The following TRANK1 variants were observed in gnomAD, a reference collection of about 807,000 sequenced individuals.
TRANK1 encodes the protein tetratricopeptide repeat and ankyrin repeat containing 1.
In TRANK1, 198 loss-of-function variants were observed where a neutral mutation model predicts 266.0. The observed-to-expected ratio is 0.74, with a 90% CI of 0.66 to 0.84. The LOEUF is 0.84. Among genes scored for constraint, TRANK1 ranks in the 40% least tolerant of loss-of-function variants. The probability of loss-of-function intolerance (pLI) is 0.00; values close to 1 mark genes in which losing one functional copy is unlikely to be tolerated. For missense variants in TRANK1, 3,326 were observed against 3,634.6 expected, an observed-to-expected ratio of 0.92 and a Z score of 2.18; for synonymous variants, 1,396 against 1,384.1, an observed-to-expected ratio of 1.01 and a Z score of -0.19.
At chr3:36,843,526 T>C (rs1263581568) in intron 17 of TRANK1, among the ~76,000 whole-genome samples, 1 of 152,158 alleles carries the variant, frequency 6.6e-6, no homozygotes, top group African/African-American at 2.4e-5. Context: ...CTGCTGTCCA[T>C]CCCTTCTGTT....
rs1257010317 is a variant in TRANK1, at chr3:36,879,871, C to CAAGTATATGTAAAT, written c.908-5576_908-5575insATTTACATATACTT. ...ATGTAAATATACAAATATATGTAAA[C>CAAGTATATGTAAAT]ATACAAATATATGTAAACATGCAAA... On this transcript the variant is annotated intron_variant, in intron 8 of 23. Coordinates refer to ENST00000645898, the MANE Select transcript of TRANK1 (RefSeq NM_001329998.2). Among the ~76,000 whole-genome samples, 9 of 17,272 alleles carry CAAGTATATGTAAAT rather than the reference C, an allele frequency of 5.2e-4. 1 individual carries two copies. Among genetic ancestry groups the CAAGTATATGTAAAT allele is most frequent in the East Asian group, 5.2e-3 (3 of 582 alleles). The allele number at this position is 17,272 out of a possible 152,430, so 11.3% of individuals were successfully genotyped here.
intron 13 of TRANK1, among the ~76,000 whole-genome samples, chr3:36,854,660 A>G (rs2079027490): frequency 6.6e-6 from 1 of 152,214 alleles, no homozygotes; most frequent in South Asian, 2.1e-4. Context: ...ATTAAGCACT[A>G]TACGTAAACT....
intron 2 of TRANK1, among the ~76,000 whole-genome samples, chr3:36,905,389 C>T (rs926493643): frequency 6.6e-6 from 1 of 151,986 alleles, no homozygotes; most frequent in African/African-American, 2.4e-5. Context: ...TAGCTGAGGT[C>T]ATGAGGGTGG....
In TRANK1 at chr3:36,833,754, C is replaced by T; in HGVS notation, c.5829G>A (p.Leu1943=). The T allele has an allele frequency of 6.2e-7, 1 of 1,614,022 alleles. No individual in the cohort carries two copies. Among genetic ancestry groups the T allele is most frequent in the Non-Finnish European group, 8.5e-7 (1 of 1,179,892 alleles). The change falls in exon 22 of 24, where the codon TTG becomes TTA. Residue 1943 remains leucine, a synonymous_variant. Transcript: ENST00000645898. The part of the protein sequence containing the change: ...KLDIEDQLVF[L]KSRKRLAEAA... ...CTTCTGCTAAGCGTTTCCGAGACTT[C>T]AAGAACACCAGCTGGTCTTCTATGT...
chr3:36,907,386 G>A (rs1259860674), intron 2 of TRANK1, among the ~76,000 whole-genome samples: 1 of 151,954 alleles, frequency 6.6e-6, no homozygotes, highest in Non-Finnish European at 1.5e-5. Context: ...CTGAAGTCAG[G>A]TGATCTGACC....
rs199557080 is a variant in TRANK1 at position 36,831,346 on chromosome 3, C to T, written c.8237G>A (p.Arg2746His). 107 of 1,613,432 alleles carry T rather than the reference C, an allele frequency of 6.6e-5. No homozygotes were observed. The highest frequency in any genetic ancestry group is 1.6e-4 in the Middle Eastern group (1 of 6,084). The change falls in exon 22 of 24, where the codon CGT becomes CAT. Residue 2746 changes from arginine (R) to histidine (H), a missense_variant. Arg to His is a conservative substitution (Grantham distance 29). Coordinates refer to ENST00000645898, the MANE Select transcript of TRANK1 (RefSeq NM_001329998.2). This position sits in a 1 kb window ranked among gnomAD's most constrained non-coding sequence, Gnocchi z 5.0. ...WRRRVGTQME[R>H]VREEAREPRA... ...GGGCTCCCTGGCCTCCTCCCTGACA[C>T]GCTCCATCTGGGTGCCCACTCTTCT...
chr3:36,867,297 A>G (rs182401590), intron 9 of TRANK1, among the ~76,000 whole-genome samples: 5 of 152,376 alleles, frequency 3.3e-5, no homozygotes, highest in African/African-American at 7.2e-5. Context: ...TTGCAAAAAC[A>G]TCATTCTTCC....
chr3:36,940,603 A>G (rs1169128343), intron 1 of TRANK1, among the ~76,000 whole-genome samples: 1 of 152,054 alleles, frequency 6.6e-6, no homozygotes, highest in Non-Finnish European at 1.5e-5. Context: ...GTTTAGGTAC[A>G]GCTCAAAACT....
At chr3:36,873,445 G>A (rs2079338758) in intron 9 of TRANK1, among the ~76,000 whole-genome samples, 1 of 152,174 alleles carries the variant, frequency 6.6e-6, no homozygotes, top group African/African-American at 2.4e-5. Flanking sequence ...CATTTAAAGA[G>A]CAAAGTTTTC....
intron 13 of TRANK1, among the ~76,000 whole-genome samples, chr3:36,854,353 C>G (rs896154451): frequency 2.1e-5 from 3 of 144,420 alleles, no homozygotes; most frequent in Non-Finnish European, 3.0e-5. Context: ...GAGCAAGACT[C>G]TATCTGAAAA....
chr3:36,834,650 C>G, intron 21 of TRANK1, 112 bp downstream of exon 21: 1 of 1,251,760 alleles, frequency 8.0e-7, no homozygotes, highest in East Asian at 2.4e-5. Flanking sequence ...GGAAAGGGAG[C>G]AATGTGGTCA....
At chr3:36,903,606 C>G (rs569404398) in intron 2 of TRANK1, among the ~76,000 whole-genome samples, 1 of 152,242 alleles carries the variant, frequency 6.6e-6, no homozygotes, top group African/African-American at 2.4e-5. Flanking sequence ...AGGTAAGAGG[C>G]CTGTGCAGGC....
At chr3:36,913,792 A>G (rs752963438) in intron 1 of TRANK1, among the ~76,000 whole-genome samples, 2 of 152,134 alleles carry the variant, frequency 1.3e-5, no homozygotes, top group African/African-American at 2.4e-5. Flanking sequence ...AAATAGGACA[A>G]GACCGGAACA....
At chr3:36,945,355 G>A (rs1178640752), upstream of TRANK1, among the ~76,000 whole-genome samples, 1 of 152,154 alleles carries the variant, frequency 6.6e-6, no homozygotes, top group Non-Finnish European at 1.5e-5. Context: ...CTCAGCGTGG[G>A]TTTTCTCCTT....
In TRANK1 at chr3:36,857,210, A is replaced by G; in HGVS notation, c.2512T>C (p.Cys838Arg). 2 of 1,613,872 alleles carry G rather than the reference A, an allele frequency of 1.2e-6. No homozygotes were observed. Among genetic ancestry groups the G allele is most frequent in the Non-Finnish European group, 1.7e-6 (2 of 1,179,854 alleles). ...AGCTTCTTCAGCATTTCTGAAGTGC[A>G]CTCGATCTCCCAGGTCATGTTATCG... ...DFDNMTWEIE[C>R]TSEMLKKLSS... Residue 838 changes from cysteine to arginine, a missense_variant, in exon 13 of 24, where the codon TGC becomes CGC. Coordinates refer to ENST00000645898, the MANE Select transcript of TRANK1 (RefSeq NM_001329998.2). The surrounding 1 kb of genome is among the most constrained non-coding windows in gnomAD (Gnocchi z 4.3).
intron 1 of TRANK1, among the ~76,000 whole-genome samples, chr3:36,927,753 A>G (rs1237551706): frequency 5.9e-5 from 9 of 152,220 alleles, no homozygotes; most frequent in Non-Finnish European, 1.2e-4. Flanking sequence ...ATAATAAGCC[A>G]GATGCAACAT....
Position 36,892,487 on chromosome 3 carries a change from G to A in TRANK1, c.637-147C>T. The A allele has an allele frequency of 4.7e-6, 5 of 1,062,556 alleles. No homozygotes were observed. In the South Asian group the frequency reaches 5.1e-5, roughly 11 times the overall value. The allele number at this position is 1,062,556 out of a possible 1,614,324, so 65.8% of individuals were successfully genotyped here. A position where few individuals can be genotyped will look rare whatever the true frequency, so the allele number is the denominator to read the frequency against. ...GATTATTATAAATAACAAATTTGTGGTAAGGCAGCTGAAGGAGAAAGTACA... is the reference window on the plus strand; with the variant it reads ...GATTATTATAAATAACAAATTTGTGATAAGGCAGCTGAAGGAGAAAGTACA... On this transcript the variant is annotated intron_variant, in intron 6 of 23. Transcript: ENST00000645898.
At chr3:36,858,670 T>C (rs1047299695) in intron 12 of TRANK1, 48 bp downstream of exon 12, 3 of 1,444,780 alleles carry the variant, frequency 2.1e-6, no homozygotes, top group East Asian at 5.0e-5. Context: ...AGTTCTAATA[T>C]CCAGCTTCCT....
At chr3:36,865,228 A>G (rs1285009131) in intron 9 of TRANK1, among the ~76,000 whole-genome samples, 1 of 151,614 alleles carries the variant, frequency 6.6e-6, no homozygotes, top group Non-Finnish European at 1.5e-5. Context: ...GGGTTTCACT[A>G]TATTGGCCAG....
Sources: allele counts gnomAD v4.1 joint callset (sites outside exome capture counted in the v4.1 genomes callset), GRCh38; gene constraint gnomAD v4.1.1; non-coding constraint Gnocchi (gnomAD v3.1); transcripts MANE v1.5; gene names NCBI Gene and HGNC (gene_info 2026-07-23, HGNC 2026-07-21).